Variants in PRKG1 observed in about 807,000 individuals in gnomAD.
PRKG1 encodes protein kinase cGMP-dependent 1, also known as cGMP-dependent protein kinase 1.
Under a neutral mutation model 88.1 loss-of-function variants are expected in PRKG1, and 35 were observed. That is an observed-to-expected ratio of 0.40 (90% confidence interval 0.30 to 0.53). The LOEUF (loss-of-function observed/expected upper bound fraction) is 0.53. Among genes scored for constraint, PRKG1 ranks in the 20% least tolerant of loss-of-function variants. PRKG1 has a pLI of 0.59. For synonymous variants in PRKG1, 303 were observed against 292.5 expected (o/e 1.04, Z -0.37); for missense variants, 540 against 839.8 (o/e 0.64, Z 4.41).
chr10:51,321,859 C>G (rs211074), intron 2 of PRKG1, among the ~76,000 whole-genome samples: 5,269 of 152,140 alleles, frequency 0.035, 307 homozygotes, highest in African/African-American at 0.12. Context: ...ATCAAAATAT[C>G]TCATGTGACC....
chr10:52,296,998 G>C lies in PRKG1; in HGVS notation c.*3098G>C, dbSNP rs1410077893. ...TTCATTTCTAAATGACTGAACTGAT[G>C]GTAAACAAATTTAATGAAGTCAGCT... is the stretch of plus-strand genomic sequence containing the variant. On this transcript the variant is annotated 3_prime_UTR_variant, in exon 18 of 18. Coordinates refer to ENST00000373980, the MANE Select transcript of PRKG1 (RefSeq NM_006258.4). 1.3e-5 allele frequency: 2 copies of C among 151,882 alleles called. No individual in the cohort carries two copies. Among genetic ancestry groups the C allele is most frequent in the Non-Finnish European group, 2.9e-5 (2 of 67,948 alleles). 9.4% of individuals were successfully genotyped at this position (151,882 alleles called of 1,614,324 possible).
At chr10:52,264,297 G>C (rs1048574111) in intron 10 of PRKG1, among the ~76,000 whole-genome samples, 5 of 151,978 alleles carry the variant, frequency 3.3e-5, no homozygotes, top group Admixed American at 6.6e-5. Context: ...ATAGGCCTTT[G>C]GCTGATTTTG....
Position 51,115,434 on chromosome 10 carries a change from G to T in PRKG1, c.312-37730G>T, listed in dbSNP as rs535715272. Among the ~76,000 whole-genome samples, 79 of 126,140 alleles carry T rather than the reference G, an allele frequency of 6.3e-4. 3 individuals carry two copies. Among genetic ancestry groups the T allele is most frequent in the African/African-American group, 2.2e-3 (76 of 35,212 alleles). The allele number at this position is 126,140 out of a possible 152,430, so 82.8% of individuals were successfully genotyped here. A position where few individuals can be genotyped will look rare whatever the true frequency, so the allele number is the denominator to read the frequency against. On this transcript the variant is annotated intron_variant, in intron 1 of 17. Transcript: ENST00000373980. ...ACAGAGAGAGAGAGAGAGAGAGAGA[G>T]ATCTGTCGATAATTGATGAGATTGT...
intron 14 of PRKG1, among the ~76,000 whole-genome samples, chr10:52,286,221 C>G (rs895092376): frequency 6.6e-6 from 1 of 152,028 alleles, no homozygotes; most frequent in Non-Finnish European, 1.5e-5. Flanking sequence ...GGAGTGAAGA[C>G]AGTTAAAGTT....
intron 2 of PRKG1, among the ~76,000 whole-genome samples, chr10:51,401,217 T>C (rs1837729072): frequency 6.6e-6 from 1 of 152,240 alleles, no homozygotes; most frequent in Non-Finnish European, 1.5e-5. Flanking sequence ...TACATTCTTT[T>C]TAAGCTAGGT....
At chr10:52,119,991 C>CAG (rs147162131) in intron 7 of PRKG1, among the ~76,000 whole-genome samples, 17,937 of 149,584 alleles carry the variant, frequency 0.12, 1,267 homozygotes, top group Non-Finnish European at 0.16. Flanking sequence ...GAAAGTGAGA[C>CAG]AGAGAGAGAG....
chr10:51,166,803 A>T (rs1846555614), intron 2 of PRKG1, among the ~76,000 whole-genome samples: 1 of 152,184 alleles, frequency 6.6e-6, no homozygotes, highest in Non-Finnish European at 1.5e-5. Context: ...CCACCTGCAG[A>T]AAGGGTGGTA....
At chr10:51,614,062 A>T (rs563503177) in intron 3 of PRKG1, among the ~76,000 whole-genome samples, 17 of 151,926 alleles carry the variant, frequency 1.1e-4, no homozygotes, top group Non-Finnish European at 1.9e-4. Context: ...TTTTGTCTAA[A>T]TGATTTGTCT....
intron 5 of PRKG1, among the ~76,000 whole-genome samples, chr10:51,949,854 A>G (rs1843143082): frequency 6.6e-6 from 1 of 152,166 alleles, no homozygotes; most frequent in Admixed American, 6.5e-5. Context: ...ATAATCATAC[A>G]TGTATACATG....
intron 2 of PRKG1, among the ~76,000 whole-genome samples, chr10:51,212,882 T>TCAAC (rs1407261909): frequency 6.6e-6 from 1 of 152,184 alleles, no homozygotes; most frequent in Non-Finnish European, 1.5e-5. Context: ...GTAAACTAGT[T>TCAAC]CAACCATTGT....
intron 10 of PRKG1, among the ~76,000 whole-genome samples, chr10:52,264,484 T>C (rs980426457): frequency 2.6e-5 from 4 of 152,040 alleles, no homozygotes; most frequent in African/African-American, 9.7e-5. Context: ...ACAATTTATA[T>C]TAAACGTGGG....
chr10:51,726,807 C>T (rs1050638080), intron 3 of PRKG1, among the ~76,000 whole-genome samples: 25 of 152,096 alleles, frequency 1.6e-4, no homozygotes, highest in African/African-American at 6.0e-4. Context: ...GATGGAGTCT[C>T]GCTCTGTCGC....
At chr10:51,889,743 C>T (rs1043637920) in intron 4 of PRKG1, among the ~76,000 whole-genome samples, 75 of 152,210 alleles carry the variant, frequency 4.9e-4, no homozygotes, top group Admixed American at 7.9e-4. Context: ...TTTTAATGAT[C>T]GCCATTCTAA....
At chr10:52,104,526 G>A (rs1289563474) in intron 7 of PRKG1, among the ~76,000 whole-genome samples, 1 of 151,950 alleles carries the variant, frequency 6.6e-6, no homozygotes, top group African/African-American at 2.4e-5. Flanking sequence ...TCACTGTGGA[G>A]GATAGAAAAA....
intron 4 of PRKG1, among the ~76,000 whole-genome samples, chr10:51,834,805 A>G (rs1840092397): frequency 6.6e-6 from 1 of 152,094 alleles, no homozygotes; most frequent in African/African-American, 2.4e-5. Context: ...ATGAAAGAGC[A>G]ATGAGTCTAT....
At chr10:51,083,112 G>GAGCC (rs1249820905) in intron 1 of PRKG1, among the ~76,000 whole-genome samples, 1 of 152,068 alleles carries the variant, frequency 6.6e-6, no homozygotes, top group Non-Finnish European at 1.5e-5. Flanking sequence ...GCTTGCAGTG[G>GAGCC]AGCCAGGCAG....
chr10:52,102,590 C>CAAAAAAAAAAAAAAAAAAAAAA (rs34379591), intron 7 of PRKG1, among the ~76,000 whole-genome samples: 1 of 112,250 alleles, frequency 8.9e-6, no homozygotes, highest in African/African-American at 3.2e-5. Context: ...GTGGATATGG[C>CAAAAAAAAAAAAAAAAAAAAAA]AAAAAAAAGA....
At chr10:51,737,176 G>GGCT (rs1213763978) in intron 3 of PRKG1, among the ~76,000 whole-genome samples, 1 of 152,108 alleles carries the variant, frequency 6.6e-6, no homozygotes, top group Non-Finnish European at 1.5e-5. Flanking sequence ...GGAGCCTTCT[G>GGCT]GCTACCTTGA....
rs1177035478 is a variant in PRKG1 at position 51,000,817 on chromosome 10, G to T, written c.266+9173G>T. Among the ~76,000 whole-genome samples the T allele has an allele frequency of 2.0e-5, 3 of 152,128 alleles. No homozygotes were observed. The East Asian group carries it at 5.8e-4, about 29-fold the overall frequency. ...CAATAAGGGTACACAAGAAAGTTTTGGGAAAGATTGTTTTAAAGTCATTTT... is the reference window on the plus strand; with the variant it reads ...CAATAAGGGTACACAAGAAAGTTTTTGGAAAGATTGTTTTAAAGTCATTTT... On this transcript the variant is annotated intron_variant, in intron 1 of 17. Transcript: ENST00000401604.
Sources: allele counts gnomAD v4.1 joint callset (sites outside exome capture counted in the v4.1 genomes callset), GRCh38; gene constraint gnomAD v4.1.1; transcripts MANE v1.5; gene names NCBI Gene and HGNC (gene_info 2026-07-23, HGNC 2026-07-21).